KDM4C: variants seen among roughly 807,000 people sequenced by gnomAD.
The protein encoded by KDM4C is lysine demethylase 4C, also known as lysine-specific demethylase 4C.
KDM4C carries 81 observed loss-of-function variants against 129.3 expected under a neutral mutation model. The observed-to-expected ratio is 0.63, with a 90% CI of 0.52 to 0.75. KDM4C has a LOEUF of 0.75. KDM4C is among the 30% of genes least tolerant of loss of function. KDM4C has a pLI of 0.00. For missense variants in KDM4C, 1,457 were observed against 1,304.0 expected (o/e 1.12, Z -1.81); for synonymous variants, 573 against 456.1 (o/e 1.26, Z -3.26).
chr9:7,064,424 G>A (rs1832131320), intron 17 of KDM4C, among the ~76,000 whole-genome samples: 1 of 152,280 alleles, frequency 6.6e-6, no homozygotes, highest in South Asian at 2.1e-4. Flanking sequence ...CACCATGTTG[G>A]CAGCAAGGTC....
At chr9:6,858,013 G>GCAGT (rs1471914581) in intron 5 of KDM4C, among the ~76,000 whole-genome samples, 3 of 142,996 alleles carry the variant, frequency 2.1e-5, no homozygotes, top group African/African-American at 7.9e-5. Flanking sequence ...GTCTACCCAC[G>GCAGT]CAGTCAGTCA....
chr9:6,777,401 C>G (rs891164552), intron 1 of KDM4C, among the ~76,000 whole-genome samples: 1 of 152,228 alleles, frequency 6.6e-6, no homozygotes, highest in African/African-American at 2.4e-5. Flanking sequence ...GCTGCCCCAG[C>G]TGTTAAGTCA....
intron 4 of KDM4C, among the ~76,000 whole-genome samples, chr9:6,832,093 C>G (rs1834930839): frequency 6.6e-6 from 1 of 152,066 alleles, no homozygotes; most frequent in Non-Finnish European, 1.5e-5. Flanking sequence ...AATCCCAGCA[C>G]TCTGGGAGTC....
chr9:7,127,903 T>G, intron 18 of KDM4C, 163 bp from the exon 19 acceptor site: 1 of 586,450 alleles, frequency 1.7e-6, no homozygotes, highest in Admixed American at 3.7e-5. Context: ...TCTTGCAACT[T>G]TTCTGTAAGT....
At chr9:7,161,377 C>T (rs1192770599) in intron 19 of KDM4C, among the ~76,000 whole-genome samples, 1 of 152,188 alleles carries the variant, frequency 6.6e-6, no homozygotes, top group Non-Finnish European at 1.5e-5. Context: ...CCAGGTATCT[C>T]AGTTGGAAAT....
At chr9:7,156,645 C>G (rs544544272) in intron 19 of KDM4C, among the ~76,000 whole-genome samples, 1 of 152,278 alleles carries the variant, frequency 6.6e-6, no homozygotes, top group East Asian at 1.9e-4. Context: ...TCAGGTTTGT[C>G]AAAGATCAGA....
intron 1 of KDM4C, among the ~76,000 whole-genome samples, chr9:6,779,239 A>C (rs983709926): frequency 6.7e-6 from 1 of 149,410 alleles, no homozygotes; most frequent in Non-Finnish European, 1.5e-5. Flanking sequence ...CGTGGTCTCG[A>C]TCTCTTGACC....
intron 8 of KDM4C, among the ~76,000 whole-genome samples, chr9:6,917,181 C>T (rs1820462266): frequency 6.6e-6 from 1 of 152,100 alleles, no homozygotes; most frequent in African/African-American, 2.4e-5. Flanking sequence ...GGCTGTTGGG[C>T]AGCCCCTGCC....
intron 8 of KDM4C, chr9:6,925,469 CTT>C (rs1822317534): frequency 1.5e-6 from 1 of 664,424 alleles, no homozygotes; most frequent in Admixed American, 8.0e-5. Flanking sequence ...CTCCTCCCCT[CTT>C]TTCAAATAAG....
chr9:6,878,597 T>C (rs1843941182), intron 5 of KDM4C, among the ~76,000 whole-genome samples: 1 of 152,220 alleles, frequency 6.6e-6, no homozygotes. Context: ...GATAGCTAAA[T>C]TTTCTGTGAG....
chr9:6,994,544 T>A (rs1819347760), intron 12 of KDM4C, among the ~76,000 whole-genome samples: 1 of 152,176 alleles, frequency 6.6e-6, no homozygotes, highest in Admixed American at 6.5e-5. Flanking sequence ...TTCCTCTCTT[T>A]TGCTTCCCCT....
At chr9:7,128,716 G>C (rs1458326409) in intron 19 of KDM4C, among the ~76,000 whole-genome samples, 1 of 152,198 alleles carries the variant, frequency 6.6e-6, no homozygotes, top group Non-Finnish European at 1.5e-5. Context: ...AAGTCACACA[G>C]AAGAAAGGCT....
chr9:6,757,565 T>G (rs1055854714), upstream of KDM4C: 2 of 937,918 alleles, frequency 2.1e-6, no homozygotes, highest in Admixed American at 1.2e-4. Context: ...GAGCCCCGAC[T>G]TTCTCGCCAG....
At chr9:6,747,416 TG>T (rs1230443047) in intron 1 of KDM4C, among the ~76,000 whole-genome samples, 5 of 149,958 alleles carry the variant, frequency 3.3e-5, no homozygotes, top group African/African-American at 4.9e-5. Context: ...GGCGTGGTGG[TG>T]GGCGCCTGTA....
intron 1 of KDM4C, among the ~76,000 whole-genome samples, chr9:6,741,411 A>G (rs1267312294): frequency 6.6e-6 from 1 of 151,918 alleles, no homozygotes. Context: ...CAAAAAACAA[A>G]AACAAAAACT....
At chr9:6,943,393 G>C (rs1354758865) in intron 8 of KDM4C, among the ~76,000 whole-genome samples, 1 of 152,100 alleles carries the variant, frequency 6.6e-6, no homozygotes. Context: ...ATTTCTCTTT[G>C]GATAAAACAC....
chr9:6,811,223 G>A (rs1428700910), intron 3 of KDM4C, among the ~76,000 whole-genome samples: 3 of 151,988 alleles, frequency 2.0e-5, no homozygotes, highest in Admixed American at 1.3e-4. Flanking sequence ...GCGTGATCTC[G>A]GCTCACTGCA....
chr9:6,947,800 T>C lies in KDM4C; in HGVS notation c.922-33125T>C, dbSNP rs532106727. ...GGGCCCATCCTGGTGTAAGTCAGAA[T>C]CTTGGGTGTGTGGCTTGTTCCTTGA... On this transcript the variant is annotated intron_variant, in intron 8 of 21. Coordinates refer to ENST00000381309, the MANE Select transcript of KDM4C (RefSeq NM_015061.6). 4.4e-4 allele frequency among the ~76,000 whole-genome samples: 66 copies of C among 151,154 alleles called. No homozygotes were observed. In the South Asian group the frequency reaches 0.012, roughly 28 times the overall value.
intron 1 of KDM4C, among the ~76,000 whole-genome samples, chr9:6,744,074 G>A (rs1384957076): frequency 8.9e-6 from 1 of 112,192 alleles, no homozygotes; most frequent in African/African-American, 3.4e-5. Flanking sequence ...TAAAAAATCA[G>A]CTTCATCCAG....
Sources: gnomAD v4.1 joint callset for allele counts (sites outside exome capture counted in the v4.1 genomes callset) on GRCh38, gnomAD v4.1.1 for gene constraint, MANE v1.5 for transcripts, NCBI Gene and HGNC (gene_info 2026-07-23, HGNC 2026-07-21) for gene names.